Variants in EPHB2 observed in about 807,000 individuals in gnomAD.
EPHB2 encodes ephrin type-B receptor 2.
In EPHB2, 18 loss-of-function variants were observed where a neutral mutation model predicts 96.4. The observed-to-expected ratio is 0.19, with a 90% CI of 0.13 to 0.28. The LOEUF is 0.28. Among genes scored for constraint, EPHB2 ranks in the 10% least tolerant of loss-of-function variants. The pLI, the probability that EPHB2 is intolerant of heterozygous loss-of-function variation, is 1.00. For missense variants in EPHB2, 989 were observed against 1,355.4 expected (o/e 0.73, Z 4.25); for synonymous variants, 506 against 534.1 (o/e 0.95, Z 0.72).
chr1:22,845,380 C>A (rs1019332855), intron 3 of EPHB2, among the ~76,000 whole-genome samples: 1 of 152,174 alleles, frequency 6.6e-6, no homozygotes, highest in Middle Eastern at 3.2e-3. Context: ...GCTTTTGGAA[C>A]TAAAGAGACC....
intron 1 of EPHB2, among the ~76,000 whole-genome samples, chr1:22,773,986 GATA>G (rs1300869859): frequency 3.9e-5 from 6 of 152,246 alleles, no homozygotes; most frequent in Non-Finnish European, 7.3e-5. Context: ...GATGAAATGG[GATA>G]ATGAGTGCTA....
Position 22,909,066 on chromosome 1 carries a change from G to A in EPHB2, c.2397G>A (p.Gln799=), listed in dbSNP as rs1174956927. The A allele has an allele frequency of 1.2e-6, 2 of 1,614,234 alleles. No individual in the cohort carries two copies. Among genetic ancestry groups the A allele is most frequent in the Non-Finnish European group, 1.7e-6 (2 of 1,180,044 alleles). ...GCTGGACAGCCCCGGAAGCCATCCA[G>A]TACCGGAAGTTCACCTCGGCCAGTG... ...PIRWTAPEAI[Q]YRKFTSASDV... Residue 799 remains glutamine, a synonymous_variant, in exon 13 of 16, where the codon CAG becomes CAA. Transcript: ENST00000374630.
chr1:22,860,503 G>A lies in EPHB2; in HGVS notation c.812-2534G>A, dbSNP rs919210995. Among the ~76,000 whole-genome samples the A allele has an allele frequency of 3.3e-5, 5 of 152,160 alleles. No individual in the cohort carries two copies. The highest frequency in any genetic ancestry group is 5.9e-5 in the Non-Finnish European group (4 of 68,030). On this transcript the variant is annotated intron_variant, in intron 3 of 15. Transcript: ENST00000374630. The surrounding 1 kb of genome is among the most constrained non-coding windows in gnomAD (Gnocchi z 4.6). ...GCTTAGGGCAGGGGCAGCCTGGGGA[G>A]TCTGAGAGGGAGCCAGGACACTGCA...
chr1:22,891,173 G>C (rs894907768), intron 6 of EPHB2: 1 of 455,952 alleles, frequency 2.2e-6, no homozygotes, highest in Non-Finnish European at 4.4e-6. Context: ...GGTCACAGAG[G>C]TCATATATAC....
chr1:22,807,626 C>T (rs952041142), intron 3 of EPHB2, among the ~76,000 whole-genome samples: 2 of 152,158 alleles, frequency 1.3e-5, no homozygotes, highest in African/African-American at 2.4e-5. Context: ...CCTCCAGATG[C>T]TCCCAGTAAA....
chr1:22,824,077 A>G (rs879282168), intron 3 of EPHB2, among the ~76,000 whole-genome samples: 2 of 152,318 alleles, frequency 1.3e-5, no homozygotes, highest in Admixed American at 6.5e-5. Context: ...GGCTAGATGA[A>G]TGGCTCAGCA....
Position 22,913,392 on chromosome 1 carries a change from G to T in EPHB2, c.2853-70G>T. The T allele has an allele frequency of 6.3e-7, 1 of 1,580,108 alleles. No homozygotes were observed. The highest frequency in any genetic ancestry group is 8.6e-7 in the Non-Finnish European group (1 of 1,161,340). The stretch of plus-strand genomic sequence containing the variant: ...CCATCTTCCTCCCGGGGAAGCCCAG[G>T]CAGCTCTCTACCAGGCACAGGACCC... On this transcript the variant is annotated intron_variant, in intron 15 of 15. Coordinates refer to ENST00000374630, the MANE Select transcript of EPHB2 (RefSeq NM_017449.5). The surrounding 1 kb of genome is among the most constrained non-coding windows in gnomAD (Gnocchi z 4.1).
chr1:22,792,710 C>T (rs1644712117), intron 3 of EPHB2, among the ~76,000 whole-genome samples: 1 of 152,180 alleles, frequency 6.6e-6, no homozygotes, highest in Non-Finnish European at 1.5e-5. Flanking sequence ...AGGAAGCTAA[C>T]ACTTGTTGAG....
chr1:22,884,939 A>T (rs1164897311), intron 6 of EPHB2, among the ~76,000 whole-genome samples: 1 of 152,202 alleles, frequency 6.6e-6, no homozygotes, highest in Non-Finnish European at 1.5e-5. Flanking sequence ...CTAGAAAGTA[A>T]GTTCCTTGAG....
chr1:22,913,771 A>G lies in EPHB2; in HGVS notation c.*201A>G. Reference sequence around the variant, plus strand: ...ACGACGGAAAAAAAAAGGGAATGGGAAAAAAGAAAACAGATCCTGGGAGGG... The same window carrying G: ...ACGACGGAAAAAAAAAGGGAATGGGGAAAAAGAAAACAGATCCTGGGAGGG... On this transcript the variant is annotated 3_prime_UTR_variant, in exon 16 of 16. Coordinates refer to ENST00000374630, the MANE Select transcript of EPHB2 (RefSeq NM_017449.5). This position sits in a 1 kb window ranked among gnomAD's most constrained non-coding sequence, Gnocchi z 4.1. 1.9e-6 allele frequency: 3 copies of G among 1,607,710 alleles called. No individual in the cohort carries two copies. The highest frequency in any genetic ancestry group is 1.7e-4 in the Middle Eastern group (1 of 6,058).
chr1:22,816,490 G>A (rs996958478), intron 3 of EPHB2, among the ~76,000 whole-genome samples: 1 of 152,130 alleles, frequency 6.6e-6, no homozygotes, highest in African/African-American at 2.4e-5. Context: ...CAGTACCTTA[G>A]GTCTCAAACT....
intron 1 of EPHB2, among the ~76,000 whole-genome samples, chr1:22,714,790 C>T (rs1377231578): frequency 1.3e-5 from 2 of 152,224 alleles, no homozygotes; most frequent in Non-Finnish European, 2.9e-5. Flanking sequence ...TCCCTGAAGA[C>T]AGAGACCCAT....
chr1:22,866,053 T>G (rs1201165431), intron 5 of EPHB2, among the ~76,000 whole-genome samples: 2 of 152,086 alleles, frequency 1.3e-5, no homozygotes, highest in African/African-American at 4.8e-5. Context: ...CCAGGACCAC[T>G]GTCCTCAGTG....
chr1:22,764,684 T>G (rs1175094064), intron 1 of EPHB2, among the ~76,000 whole-genome samples: 1 of 151,422 alleles, frequency 6.6e-6, no homozygotes, highest in Non-Finnish European at 1.5e-5. Context: ...AGGCGGAGTT[T>G]GCAGAAAGCC....
chr1:22,751,572 C>T (rs780935314), intron 1 of EPHB2, among the ~76,000 whole-genome samples: 9 of 152,230 alleles, frequency 5.9e-5, no homozygotes, highest in Non-Finnish European at 1.0e-4. Context: ...CCTACCTTTA[C>T]GCCTTTCCAG....
intron 3 of EPHB2, among the ~76,000 whole-genome samples, chr1:22,810,651 C>T (rs113562411): frequency 0.013 from 1,928 of 152,272 alleles, 15 homozygotes; most frequent in Non-Finnish European, 0.021. Flanking sequence ...GCAGGGACTT[C>T]CCATGACAAG....
chr1:22,880,670 CTG>C (rs1027071452), intron 5 of EPHB2, among the ~76,000 whole-genome samples: 6 of 152,254 alleles, frequency 3.9e-5, no homozygotes, highest in African/African-American at 1.2e-4. Context: ...CCCCCACTGA[CTG>C]TGTGATCTCA....
intron 3 of EPHB2, among the ~76,000 whole-genome samples, chr1:22,842,345 G>A (rs181068665): frequency 1.4e-3 from 217 of 152,230 alleles, no homozygotes; most frequent in South Asian, 7.9e-3. Flanking sequence ...CATCTCACTC[G>A]TCACTACCTC....
rs1236853618 is a variant in EPHB2 at position 22,882,398 on chromosome 1, C to T, written c.1343C>T (p.Thr448Ile). 6.2e-7 allele frequency: 1 copy of T among 1,614,202 alleles called. No individual in the cohort carries two copies. Reference protein sequence around the residue: ...AVSIMHQVSRTVDSITLSWSQ... With the variant: ...AVSIMHQVSRIVDSITLSWSQ... The stretch of plus-strand genomic sequence containing the variant: ...TCCATCATGCATCAGGTGAGCCGCA[C>T]CGTGGACAGCATTACCCTGTCGTGG... The change falls in exon 6 of 16, where the codon ACC becomes ATC. Residue 448 changes from threonine (T) to isoleucine (I), a missense_variant. By Grantham distance (89) the Thr-to-Ile change is moderately conservative. Coordinates refer to ENST00000374630, the MANE Select transcript of EPHB2 (RefSeq NM_017449.5).
Sources: allele counts gnomAD v4.1 joint callset (sites outside exome capture counted in the v4.1 genomes callset), GRCh38; gene constraint gnomAD v4.1.1; non-coding constraint Gnocchi (gnomAD v3.1); transcripts MANE v1.5; gene names NCBI Gene and HGNC (gene_info 2026-07-23, HGNC 2026-07-21).